CHD1: variants seen among roughly 807,000 people sequenced by gnomAD.
CHD1 encodes the protein ATP-dependent chromatin remodeler CHD1.
CHD1 carries 36 observed loss-of-function variants against 224.2 expected under a neutral mutation model. The ratio of observed to expected loss-of-function variants is 0.16; its 90% confidence interval spans 0.12 to 0.21. The LOEUF is 0.21. CHD1 is among the 10% of genes least tolerant of loss of function. The pLI is 1.00. For missense variants in CHD1, 1,378 were observed against 1,994.8 expected (o/e 0.69, Z 5.89); for synonymous variants, 668 against 658.3 (o/e 1.01, Z -0.23).
At position 98,882,106 on chromosome 5, in the gene CHD1, T is replaced by C. The variant is rs763241068; in HGVS notation, c.2736A>G (p.Leu912=). 8 of 1,612,940 alleles carry C rather than the reference T, an allele frequency of 5.0e-6. No homozygotes were observed. Among genetic ancestry groups the C allele is most frequent in the East Asian group, 4.5e-5 (2 of 44,818 alleles). Residue 912 remains leucine (L), a synonymous_variant, in exon 20 of 36, where the codon CTA becomes CTG. Transcript: ENST00000614616. ...GQKKQVNIYR[L]VTKGSVEEDI... Reference sequence around the variant, plus strand: ...CTTCTTCAACTGATCCCTTTGTAACTAGACGATAAATATTCACCTGTAAAA... The same window carrying C: ...CTTCTTCAACTGATCCCTTTGTAACCAGACGATAAATATTCACCTGTAAAA...
chr5:98,859,863 T>A (rs1459212803), intron 33 of CHD1, 109 bp downstream of exon 33: 12 of 572,820 alleles, frequency 2.1e-5, no homozygotes, highest in South Asian at 1.0e-4. Flanking sequence ...GGTGATTTTT[T>A]AAATTTATCT....
intron 2 of CHD1, among the ~76,000 whole-genome samples, chr5:98,916,030 T>G (rs985877780): frequency 6.6e-6 from 1 of 151,788 alleles, no homozygotes; most frequent in African/African-American, 2.4e-5. Context: ...CCGTCCTAAC[T>G]AAATACAAAA....
rs768955151 is a variant in CHD1, at chr5:98,904,945, G to C, written c.207C>G (p.Ser69=). 1 of 1,613,596 alleles carries C rather than the reference G, an allele frequency of 6.2e-7. No individual in the cohort carries two copies. The highest frequency in any genetic ancestry group is 1.1e-5 in the South Asian group (1 of 91,058). The part of the protein sequence containing the change: ...GSQSESESDT[S]RENKVQAKPP... ...GTTTTGCTTGAACTTTGTTTTCTCG[G>C]GAAGTGTCTGACTCAGACTCTGACT... The change falls in exon 3 of 36, where the codon TCC becomes TCG. Residue 69 remains serine (S), a synonymous_variant. Coordinates refer to ENST00000614616, the MANE Select transcript of CHD1 (RefSeq NM_001270.4).
intron 2 of CHD1, among the ~76,000 whole-genome samples, chr5:98,922,845 T>A (rs1247457845): frequency 1.3e-5 from 2 of 152,024 alleles, no homozygotes; most frequent in Non-Finnish European, 2.9e-5. Flanking sequence ...AAAAATTAGC[T>A]GGATGCAGTG....
intron 19 of CHD1, among the ~76,000 whole-genome samples, chr5:98,882,847 T>C (rs1283864193): frequency 3.9e-5 from 6 of 152,184 alleles, no homozygotes; most frequent in Non-Finnish European, 8.8e-5. Flanking sequence ...CTGCATTTTA[T>C]AGTTACGACT....
At chr5:98,893,380 C>T (rs1260569740) in intron 14 of CHD1, 36 bp downstream of exon 14, 1 of 1,430,168 alleles carries the variant, frequency 7.0e-7, no homozygotes, top group East Asian at 2.4e-5. Context: ...AACATAATAT[C>T]CACACAATAT....
intron 2 of CHD1, among the ~76,000 whole-genome samples, chr5:98,907,462 C>T (rs1752116120): frequency 1.3e-5 from 2 of 151,888 alleles, no homozygotes; most frequent in African/African-American, 4.8e-5. Flanking sequence ...GTGGCGCATG[C>T]CTGTGATCCC....
intron 2 of CHD1, among the ~76,000 whole-genome samples, chr5:98,918,444 T>C (rs1026379123): frequency 1.3e-5 from 2 of 151,580 alleles, no homozygotes; most frequent in Non-Finnish European, 2.9e-5. Context: ...GGGACTTGCA[T>C]ACTTCTTTAA....
chr5:98,876,595 A>G (rs920538989), intron 23 of CHD1, 37 bp from the exon 24 acceptor site: 5 of 1,573,878 alleles, frequency 3.2e-6, no homozygotes, highest in African/African-American at 2.7e-5. Context: ...CTTAGTGTAA[A>G]AACAGCTTGT....
At chr5:98,922,047 G>A (rs181967923) in intron 2 of CHD1, among the ~76,000 whole-genome samples, 2 of 152,204 alleles carry the variant, frequency 1.3e-5, no homozygotes, top group African/African-American at 4.8e-5. Context: ...CAGCTACTCA[G>A]GAGGCAGAGG....
intron 31 of CHD1, among the ~76,000 whole-genome samples, chr5:98,868,219 C>G (rs928583316): frequency 6.6e-6 from 1 of 151,272 alleles, no homozygotes; most frequent in East Asian, 2.0e-4. Flanking sequence ...CCCAGCTACT[C>G]GAGAGGCTGA....
At chr5:98,922,685 T>A (rs1007262504) in intron 2 of CHD1, among the ~76,000 whole-genome samples, 1 of 152,198 alleles carries the variant, frequency 6.6e-6, no homozygotes, top group African/African-American at 2.4e-5. Flanking sequence ...CAAAGTATAT[T>A]TCTAATCTAA....
At chr5:98,909,194 C>A (rs1752233112) in intron 2 of CHD1, among the ~76,000 whole-genome samples, 1 of 152,146 alleles carries the variant, frequency 6.6e-6, no homozygotes, top group Non-Finnish European at 1.5e-5. Flanking sequence ...TCCAATCAGG[C>A]TATCCCTTTA....
chr5:98,927,845 T>C (rs1330815666), intron 1 of CHD1, among the ~76,000 whole-genome samples: 1 of 152,182 alleles, frequency 6.6e-6, no homozygotes, highest in East Asian at 1.9e-4. Flanking sequence ...ATAAGTCCTC[T>C]GAGACCCTTT....
At chr5:98,900,035 C>T (rs982271460) in intron 7 of CHD1, among the ~76,000 whole-genome samples, 2 of 152,090 alleles carry the variant, frequency 1.3e-5, no homozygotes, top group African/African-American at 4.8e-5. Context: ...GTAATCCCAG[C>T]AATTTGGGAG....
At chr5:98,915,514 A>C (rs766170864) in intron 2 of CHD1, among the ~76,000 whole-genome samples, 4 of 152,232 alleles carry the variant, frequency 2.6e-5, no homozygotes, top group African/African-American at 2.4e-5. Flanking sequence ...GAATGAGCAG[A>C]TGAGAAATAA....
chr5:98,911,524 T>G (rs1392085418), intron 2 of CHD1, among the ~76,000 whole-genome samples: 1 of 152,152 alleles, frequency 6.6e-6, no homozygotes, highest in Non-Finnish European at 1.5e-5. Context: ...AAGTGTCTTC[T>G]CACAAATTGC....
chr5:98,916,545 CAAAAAAAA>C (rs33988135), intron 2 of CHD1, among the ~76,000 whole-genome samples: 1 of 40,420 alleles, frequency 2.5e-5, no homozygotes, highest in African/African-American at 8.1e-5. Flanking sequence ...AACTCCGTCT[CAAAAAAAA>C]AAAAAAAAAA....
chr5:98,897,183 A>G lies in CHD1; in HGVS notation c.1493+10T>C. The G allele has an allele frequency of 1.2e-6, 2 of 1,605,934 alleles. No individual in the cohort carries two copies. Among genetic ancestry groups the G allele is most frequent in the Non-Finnish European group, 8.5e-7 (1 of 1,176,724 alleles). ...TGTCAAATTAAATAGATGATTCAAA[A>G]TATACTTACTTGCACCAAGAATGAG... On this transcript the variant is annotated intron_variant, in intron 11 of 35. Transcript: ENST00000614616.
Sources: gnomAD v4.1 joint callset for allele counts (sites outside exome capture counted in the v4.1 genomes callset) on GRCh38, gnomAD v4.1.1 for gene constraint, MANE v1.5 for transcripts, NCBI Gene and HGNC (gene_info 2026-07-23, HGNC 2026-07-21) for gene names.